SLC1A2: variants seen among roughly 807,000 people sequenced by gnomAD.
SLC1A2 encodes excitatory amino acid transporter 2.
Under a neutral mutation model 48.8 loss-of-function variants are expected in SLC1A2, and 15 were observed. That is an observed-to-expected ratio of 0.31 (90% confidence interval 0.21 to 0.47). The LOEUF (loss-of-function observed/expected upper bound fraction) is 0.47, where lower values mean the gene tolerates loss of function less well. Among genes scored for constraint, SLC1A2 ranks in the 20% least tolerant of loss-of-function variants. SLC1A2 has a pLI of 0.99. For missense variants in SLC1A2, 502 were observed against 730.5 expected (o/e 0.69, Z 3.61); for synonymous variants, 279 against 272.6 (o/e 1.02, Z -0.23).
intron 1 of SLC1A2, chr11:35,371,121 G>A (rs886478718): frequency 1.0e-6 from 1 of 976,428 alleles, no homozygotes; most frequent in African/African-American, 1.8e-5. Context: ...GCTACCCTCA[G>A]TGAGAACCCT....
chr11:35,387,160 T>C (rs1854609835), intron 1 of SLC1A2, among the ~76,000 whole-genome samples: 1 of 152,162 alleles, frequency 6.6e-6, no homozygotes, highest in Non-Finnish European at 1.5e-5. Context: ...TTGATCCTGG[T>C]CAATCAATCA....
chr11:35,397,276 C>T (rs1418999117), intron 1 of SLC1A2, among the ~76,000 whole-genome samples: 3 of 147,752 alleles, frequency 2.0e-5, no homozygotes, highest in African/African-American at 7.3e-5. Flanking sequence ...TGACTTCAAA[C>T]TATACTACAA....
chr11:35,349,224 A>C (rs1243399064), intron 1 of SLC1A2, among the ~76,000 whole-genome samples: 1 of 152,216 alleles, frequency 6.6e-6, no homozygotes, highest in African/African-American at 2.4e-5. Flanking sequence ...GACGATACAG[A>C]TGAGATCAGG....
At chr11:35,291,035 G>C (rs887347568) in intron 7 of SLC1A2, among the ~76,000 whole-genome samples, 1 of 152,140 alleles carries the variant, frequency 6.6e-6, no homozygotes, top group African/African-American at 2.4e-5. Flanking sequence ...AGGCCCTGCT[G>C]CGTCATGCAG....
intron 1 of SLC1A2, among the ~76,000 whole-genome samples, chr11:35,408,856 T>C (rs1259035213): frequency 6.6e-6 from 1 of 152,228 alleles, no homozygotes; most frequent in Non-Finnish European, 1.5e-5. Context: ...AAACTGGAAA[T>C]ATGCATAATA....
chr11:35,380,102 T>A (rs1442592511), intron 1 of SLC1A2, among the ~76,000 whole-genome samples: 3 of 152,246 alleles, frequency 2.0e-5, no homozygotes, highest in Admixed American at 6.5e-5. Flanking sequence ...TCTGATTTTA[T>A]CATTTAATCC....
rs541216987 is a variant in SLC1A2, at chr11:35,345,656, T to C, written c.18-28140A>G. On this transcript the variant is annotated intron_variant, in intron 1 of 10. Coordinates refer to ENST00000278379, the MANE Select transcript of SLC1A2 (RefSeq NM_004171.4). ...ACCCACACAGCACCTGGGGCAGAGG[T>C]TACCAGAGTTAACTATAACCCCTTC... Among the ~76,000 whole-genome samples the C allele has an allele frequency of 8.8e-4, 133 of 151,974 alleles. 1 individual carries two copies. Among genetic ancestry groups the C allele is most frequent in the African/African-American group, 3.1e-3 (129 of 41,440 alleles).
intron 1 of SLC1A2, among the ~76,000 whole-genome samples, chr11:35,349,507 C>G (rs1853163629): frequency 6.6e-6 from 1 of 152,152 alleles, no homozygotes; most frequent in Non-Finnish European, 1.5e-5. Flanking sequence ...AGACCCACTT[C>G]CTCTGCCTTT....
At chr11:35,409,695 G>A (rs1855402232) in intron 1 of SLC1A2, among the ~76,000 whole-genome samples, 1 of 152,118 alleles carries the variant, frequency 6.6e-6, no homozygotes, top group East Asian at 1.9e-4. Flanking sequence ...GATTACCTGA[G>A]GTCAGGAGTT....
chr11:35,258,942 CTAA>C lies in SLC1A2; in HGVS notation c.*1949_*1951del, dbSNP rs1950352510. ...CCTGAGCAACAGAGCAAGACTCTGTCTAAAAAAAAAAAAAAAAAAAGAATGCAT... is the reference window on the plus strand; with the variant it reads ...CCTGAGCAACAGAGCAAGACTCTGTCAAAAAAAAAAAAAAAAAGAATGCAT... On this transcript the variant is annotated 3_prime_UTR_variant, in exon 11 of 11. Transcript: ENST00000278379. 4 of 102,318 alleles carry C rather than the reference CTAA, an allele frequency of 3.9e-5. No homozygotes were observed. Among genetic ancestry groups the C allele is most frequent in the African/African-American group, 1.9e-4 (4 of 20,976 alleles). The allele number at this position is 102,318 out of a possible 1,614,324, so 6.3% of individuals were successfully genotyped here.
chr11:35,362,885 T>C (rs1923298), intron 1 of SLC1A2, among the ~76,000 whole-genome samples: 33,578 of 152,120 alleles, frequency 0.22, 4,324 homozygotes, highest in African/African-American at 0.36. Flanking sequence ...TTTAGGACAA[T>C]GATACTAGCT....
At position 35,317,245 on chromosome 11, in the gene SLC1A2, C is replaced by A. The variant is rs1043863386; in HGVS notation, c.157+132G>T. On this transcript the variant is annotated intron_variant, in intron 2 of 10. Coordinates refer to ENST00000278379, the MANE Select transcript of SLC1A2 (RefSeq NM_004171.4). The stretch of plus-strand genomic sequence containing the variant: ...GAAAATTATATCACTGAAGCCTGGG[C>A]AGACAGGGCCCTAGGCAAACCACGT... 7.2e-6 allele frequency: 6 copies of A among 830,148 alleles called. No homozygotes were observed. In the African/African-American group the frequency reaches 1.0e-4, roughly 14 times the overall value. The allele number at this position is 830,148 out of a possible 1,614,324, so 51.4% of individuals were successfully genotyped here.
At chr11:35,303,519 GC>G (rs1851413727) in intron 5 of SLC1A2, among the ~76,000 whole-genome samples, 1 of 152,162 alleles carries the variant, frequency 6.6e-6, no homozygotes, top group Admixed American at 6.6e-5. Context: ...CTTCTCTCAA[GC>G]CCATGGAGAG....
chr11:35,388,632 T>C (rs1854657044), intron 1 of SLC1A2, among the ~76,000 whole-genome samples: 2 of 152,202 alleles, frequency 1.3e-5, no homozygotes, highest in African/African-American at 4.8e-5. Context: ...TGGACTCAAG[T>C]GATCCTCCCG....
intron 1 of SLC1A2, among the ~76,000 whole-genome samples, chr11:35,332,028 G>A (rs1362298115): frequency 6.6e-6 from 1 of 152,122 alleles, no homozygotes; most frequent in Admixed American, 6.5e-5. Flanking sequence ...CGAGTGGCAG[G>A]ACCTTATCAG....
In SLC1A2 at chr11:35,265,728, C is replaced by G; in HGVS notation, c.1452G>C (p.Val484=). Residue 484 remains valine, a synonymous_variant, in exon 10 of 11, where the codon GTG becomes GTC. Transcript: ENST00000278379. Reference sequence around the variant, plus strand: ...CTATCCCAGCCCCAAAAGAGTCACCCACAACATTGACTGAAGTTCTCATCC... The same window carrying G: ...CTATCCCAGCCCCAAAAGAGTCACCGACAACATTGACTGAAGTTCTCATCC... ...LDRMRTSVNV[V]GDSFGAGIVY... 1 of 1,613,526 alleles carries G rather than the reference C, an allele frequency of 6.2e-7. No homozygotes were observed. Among genetic ancestry groups the G allele is most frequent in the Non-Finnish European group, 8.5e-7 (1 of 1,179,496 alleles).
At chr11:35,333,842 T>G (rs1352355833) in intron 1 of SLC1A2, among the ~76,000 whole-genome samples, 3 of 149,092 alleles carry the variant, frequency 2.0e-5, no homozygotes, top group Admixed American at 6.6e-5. Flanking sequence ...TTTTTTTTTT[T>G]TTTTTTTTGT....
intron 9 of SLC1A2, among the ~76,000 whole-genome samples, chr11:35,277,582 T>C (rs1850483365): frequency 6.6e-6 from 1 of 152,146 alleles, no homozygotes; most frequent in South Asian, 2.1e-4. Context: ...AAAGATGAAT[T>C]TCTAATGGTG....
In SLC1A2 at chr11:35,256,455, C is replaced by T. The variant is rs1434909958; in HGVS notation, c.*4439G>A. ...TGTGTCATGAGCAGCTGGAAACTCA[C>T]TCTATGCTAGGAGAACAATCTGCCT... On this transcript the variant is annotated 3_prime_UTR_variant, in exon 11 of 11. Transcript: ENST00000278379. 2 of 152,578 alleles carry T rather than the reference C, an allele frequency of 1.3e-5. No homozygotes were observed. The highest frequency in any genetic ancestry group is 3.9e-4 in the East Asian group (2 of 5,184). The allele number at this position is 152,578 out of a possible 1,614,324, so 9.5% of individuals were successfully genotyped here.
Sources: gnomAD v4.1 joint callset for allele counts (sites outside exome capture counted in the v4.1 genomes callset) on GRCh38, gnomAD v4.1.1 for gene constraint, MANE v1.5 for transcripts, NCBI Gene and HGNC (gene_info 2026-07-23, HGNC 2026-07-21) for gene names.